The following CCDC7 variants were observed in gnomAD, a reference collection of about 807,000 sequenced individuals.
CCDC7 encodes coiled-coil domain-containing protein 7.
In CCDC7, 183 loss-of-function variants were observed where a neutral mutation model predicts 196.9. That is an observed-to-expected ratio of 0.93 (90% CI 0.82 to 1.05). The LOEUF is 1.05. Among genes scored for constraint, CCDC7 ranks in the 50% least tolerant of loss-of-function variants. The pLI is 0.00. For synonymous variants in CCDC7, 525 were observed against 484.6 expected (o/e 1.08, Z -1.10); for missense variants, 1,540 against 1,482.2 (o/e 1.04, Z -0.64).
At chr10:32,788,918 A>C (rs2082262927) in intron 29 of CCDC7, among the ~76,000 whole-genome samples, 1 of 152,160 alleles carries the variant, frequency 6.6e-6, no homozygotes, top group African/African-American at 2.4e-5. Flanking sequence ...TCCCAGTGCA[A>C]AGCCAGCCAA....
intron 28 of CCDC7, among the ~76,000 whole-genome samples, chr10:32,736,963 T>A (rs2084967521): frequency 6.6e-6 from 1 of 152,194 alleles, no homozygotes; most frequent in Non-Finnish European, 1.5e-5. Flanking sequence ...AAGCATCTGT[T>A]TTCTCATGAT....
intron 41 of CCDC7, 150 bp downstream of exon 42, chr10:32,854,639 C>A: frequency 1.8e-6 from 1 of 553,510 alleles, no homozygotes; most frequent in Non-Finnish European, 3.2e-6. Context: ...TTTCTTCAAA[C>A]AAGTAAAAAT....
chr10:32,715,167 G>A (rs892637400), intron 25 of CCDC7, among the ~76,000 whole-genome samples: 2 of 152,172 alleles, frequency 1.3e-5, no homozygotes, highest in African/African-American at 2.4e-5. Flanking sequence ...GCATCTGGCC[G>A]GTGCCCCTCT....
chr10:32,531,675 A>C (rs2049685960), intron 11 of CCDC7, among the ~76,000 whole-genome samples: 2 of 152,192 alleles, frequency 1.3e-5, no homozygotes, highest in Non-Finnish European at 2.9e-5. Context: ...TGAAACCATC[A>C]GGTCCTGGGT....
At chr10:32,501,489 T>G (rs112503862) in intron 9 of CCDC7, among the ~76,000 whole-genome samples, 7,733 of 152,216 alleles carry the variant, frequency 0.051, 633 homozygotes, top group African/African-American at 0.17. Flanking sequence ...TCAGCCTTTT[T>G]GCGCTGGTTT....
chr10:32,704,226 CA>C (rs1424369339), intron 24 of CCDC7, among the ~76,000 whole-genome samples: 1 of 152,130 alleles, frequency 6.6e-6, no homozygotes, highest in African/African-American at 2.4e-5. Context: ...TTTCCTTCCA[CA>C]GTCAGGACCC....
rs1301439411 is a variant in CCDC7, at chr10:32,583,321, A to G, written c.1728+14A>G. On this transcript the variant is annotated intron_variant, in intron 17 of 41. Coordinates refer to ENST00000639629, the Ensembl canonical transcript of CCDC7. The stretch of plus-strand genomic sequence containing the variant: ...GAAAGTAAAAAGGTATGATATATAT[A>G]GAAACTTGAAAGCTGTTTATTTCAT... The G allele has an allele frequency of 1.1e-5, 13 of 1,219,966 alleles. No homozygotes were observed. The highest frequency in any genetic ancestry group is 1.3e-5 in the Non-Finnish European group (13 of 977,230). The allele number at this position is 1,219,966 out of a possible 1,614,324, so 75.6% of individuals were successfully genotyped here. A position where few individuals can be genotyped will look rare whatever the true frequency, so the allele number is the denominator to read the frequency against.
intron 41 of CCDC7, among the ~76,000 whole-genome samples, chr10:32,870,834 C>G (rs2094400934): frequency 6.6e-6 from 1 of 152,134 alleles, no homozygotes; most frequent in Non-Finnish European, 1.5e-5. Context: ...AAGGCTTTTT[C>G]CGCATCTATT....
intron 5 of CCDC7, among the ~76,000 whole-genome samples, chr10:32,466,689 C>T (rs754778967): frequency 3.9e-5 from 6 of 152,144 alleles, no homozygotes; most frequent in Non-Finnish European, 7.4e-5. Flanking sequence ...GACATTTAGG[C>T]CAATTCCATG....
At chr10:32,563,348 C>T (rs1414229265) in intron 13 of CCDC7, among the ~76,000 whole-genome samples, 3 of 152,148 alleles carry the variant, frequency 2.0e-5, no homozygotes, top group African/African-American at 4.8e-5. Flanking sequence ...CCAAGTCAAT[C>T]CTAAGCCAAA....
chr10:32,462,578 G>C (rs189950131), intron 3 of CCDC7, 105 bp from the exon 5 acceptor site: 1 of 915,794 alleles, frequency 1.1e-6, no homozygotes. Context: ...TTAATACTTA[G>C]TACATTTTTG....
intron 21 of CCDC7, among the ~76,000 whole-genome samples, chr10:32,666,484 G>C (rs1229469114): frequency 6.6e-6 from 1 of 151,842 alleles, no homozygotes; most frequent in Non-Finnish European, 1.5e-5. Flanking sequence ...CCATTAACTT[G>C]TCATTTACAT....
rs1232956810 is a variant in CCDC7 at position 32,741,755 on chromosome 10, T to A, written c.2905+12298T>A. On this transcript the variant is annotated intron_variant, in intron 28 of 41. Transcript: ENST00000639629. ...AACTGGTAATGTTTGTTTCATCAAT[T>A]ATTGAAAGAATATGTTCAATTCTCC... is the stretch of plus-strand genomic sequence containing the variant. Among the ~76,000 whole-genome samples the A allele has an allele frequency of 8.5e-5, 13 of 152,288 alleles. No individual in the cohort carries two copies. In the East Asian group the frequency reaches 2.1e-3, roughly 25 times the overall value.
At chr10:32,722,185 A>G (rs1237768530) in intron 25 of CCDC7, among the ~76,000 whole-genome samples, 1 of 152,128 alleles carries the variant, frequency 6.6e-6, no homozygotes, top group Non-Finnish European at 1.5e-5. Context: ...CATGGTCCCC[A>G]TATATCCCAC....
intron 24 of CCDC7, among the ~76,000 whole-genome samples, chr10:32,711,405 T>G (rs890859745): frequency 6.6e-6 from 1 of 152,146 alleles, no homozygotes; most frequent in African/African-American, 2.4e-5. Context: ...AAAACACATT[T>G]AATATCTAGG....
intron 3 of CCDC7, among the ~76,000 whole-genome samples, chr10:32,461,715 A>G (rs1028646852): frequency 0.081 from 2,186 of 26,834 alleles, 37 homozygotes; most frequent in East Asian, 0.14. Context: ...GTGTGTATAT[A>G]TATATATATA....
chr10:32,748,143 T>C (rs2075103411), intron 28 of CCDC7, among the ~76,000 whole-genome samples: 1 of 152,168 alleles, frequency 6.6e-6, no homozygotes, highest in African/African-American at 2.4e-5. Flanking sequence ...TTCTCACTTA[T>C]AAGTGGGAGC....
At chr10:32,536,542 A>G (rs1417098183) in intron 11 of CCDC7, among the ~76,000 whole-genome samples, 1 of 152,192 alleles carries the variant, frequency 6.6e-6, no homozygotes, top group Non-Finnish European at 1.5e-5. Context: ...TTAGGGGTAC[A>G]TGAGCAGGTT....
chr10:32,447,338 G>A (rs2031590295), upstream of CCDC7, among the ~76,000 whole-genome samples: 1 of 152,000 alleles, frequency 6.6e-6, no homozygotes, highest in African/African-American at 2.4e-5. Flanking sequence ...TCTTTTCCTT[G>A]CTTTCTATGT....
Sources: gnomAD v4.1 joint callset for allele counts (sites outside exome capture counted in the v4.1 genomes callset) on GRCh38, gnomAD v4.1.1 for gene constraint, MANE v1.5 for transcripts, NCBI Gene and HGNC (gene_info 2026-07-23, HGNC 2026-07-21) for gene names.